ANKRD29: variants seen among roughly 807,000 people sequenced by gnomAD.
ANKRD29 encodes the protein ankyrin repeat domain 29.
A neutral mutation model predicts 38.0 loss-of-function variants in ANKRD29; 32 were observed. That is an observed-to-expected ratio of 0.84 (90% confidence interval 0.64 to 1.13). The LOEUF (loss-of-function observed/expected upper bound fraction) is 1.13. ANKRD29 is among the 50% of genes most tolerant of loss of function. The probability of loss-of-function intolerance (pLI) is 0.00; values close to 1 mark genes in which losing one functional copy is unlikely to be tolerated. For synonymous variants in ANKRD29, 135 were observed against 152.4 expected (o/e 0.89, Z 0.84); for missense variants, 357 against 377.9 (o/e 0.94, Z 0.46).
rs1456657313 is a variant in ANKRD29 at position 23,600,254 on chromosome 18, T to A, written c.*972A>T. 6.6e-6 allele frequency: 1 copy of A among 152,352 alleles called. No homozygotes were observed. Among genetic ancestry groups the A allele is most frequent in the Non-Finnish European group, 1.5e-5 (1 of 68,044 alleles). The allele number at this position is 152,352 out of a possible 1,614,324, so 9.4% of individuals were successfully genotyped here. A position where few individuals can be genotyped will look rare whatever the true frequency, so the allele number is the denominator to read the frequency against. ...CTTACTAAGTGCTAATAACAGTCTT[T>A]TATTATTTATATTCCTGCAATAGTA... is the stretch of plus-strand genomic sequence containing the variant. On this transcript the variant is annotated 3_prime_UTR_variant, in exon 10 of 10. Coordinates refer to ENST00000592179, the MANE Select transcript of ANKRD29 (RefSeq NM_173505.4).
rs1383682874 is a variant in ANKRD29, at chr18:23,614,069, C to CT, written c.724-1880dup. On this transcript the variant is annotated intron_variant, in intron 8 of 9. Transcript: ENST00000592179. ...TTTAACAAGTGCAGCTTTTTGGCCT[C>CT]TTTTTTTTCTTTTTTCTGGAGATGG... is the stretch of plus-strand genomic sequence containing the variant. 5.3e-5 allele frequency among the ~76,000 whole-genome samples: 8 copies of CT among 151,664 alleles called. No individual in the cohort carries two copies. In the East Asian group the frequency reaches 1.2e-3, roughly 22 times the overall value.
At chr18:23,626,976 G>A (rs185192936) in intron 6 of ANKRD29, among the ~76,000 whole-genome samples, 1 of 152,356 alleles carries the variant, frequency 6.6e-6, no homozygotes, top group Non-Finnish European at 1.5e-5. Context: ...TTCCAATAAT[G>A]ACTCAATGTG....
At chr18:23,609,890 G>A (rs1450106369) in intron 9 of ANKRD29, among the ~76,000 whole-genome samples, 1 of 152,174 alleles carries the variant, frequency 6.6e-6, no homozygotes, top group African/African-American at 2.4e-5. Flanking sequence ...TATCTAAGGA[G>A]AGATAAGCAG....
chr18:23,634,274 C>A, intron 4 of ANKRD29, 125 bp from the exon 5 acceptor site: 1 of 542,636 alleles, frequency 1.8e-6, no homozygotes. Flanking sequence ...AACTCACTTT[C>A]CCTGTTTTTT....
At chr18:23,606,833 C>T (rs1008813078) in intron 9 of ANKRD29, among the ~76,000 whole-genome samples, 11 of 152,140 alleles carry the variant, frequency 7.2e-5, no homozygotes, top group African/African-American at 2.7e-4. Flanking sequence ...CACTGCACTC[C>T]AGCCTGGGTG....
At chr18:23,650,631 G>A (rs1490384627) in intron 1 of ANKRD29, among the ~76,000 whole-genome samples, 1 of 152,268 alleles carries the variant, frequency 6.6e-6, no homozygotes, top group Admixed American at 6.5e-5. Context: ...GGACCAGACA[G>A]CTCACCCCAG....
chr18:23,627,404 G>T (rs1350998263), intron 6 of ANKRD29, among the ~76,000 whole-genome samples: 2 of 152,142 alleles, frequency 1.3e-5, no homozygotes, highest in East Asian at 3.9e-4. Flanking sequence ...TTGACCAGAG[G>T]GTGGATCCCT....
intron 4 of ANKRD29, among the ~76,000 whole-genome samples, chr18:23,637,316 C>T (rs1355847575): frequency 6.6e-6 from 1 of 152,162 alleles, no homozygotes; most frequent in Admixed American, 6.6e-5. Context: ...AGTTTGAAGG[C>T]ATATACGTAG....
intron 3 of ANKRD29, among the ~76,000 whole-genome samples, chr18:23,640,393 G>A (rs1416752477): frequency 6.6e-6 from 1 of 152,156 alleles, no homozygotes; most frequent in Non-Finnish European, 1.5e-5. Flanking sequence ...CAAGATATTT[G>A]GTATAGTGTT....
At chr18:23,602,282 C>T (rs1475845703) in intron 9 of ANKRD29, among the ~76,000 whole-genome samples, 9 of 152,054 alleles carry the variant, frequency 5.9e-5, no homozygotes, top group African/African-American at 1.9e-4. Context: ...GTGATCCGCC[C>T]GCCTCCGCCT....
chr18:23,645,868 A>C (rs1305655083), intron 3 of ANKRD29, among the ~76,000 whole-genome samples: 2 of 152,186 alleles, frequency 1.3e-5, no homozygotes, highest in Non-Finnish European at 2.9e-5. Flanking sequence ...ATCTATATGA[A>C]AATGCTATAA....
chr18:23,636,371 C>T (rs1268194941), intron 4 of ANKRD29, among the ~76,000 whole-genome samples: 1 of 152,160 alleles, frequency 6.6e-6, no homozygotes, highest in Non-Finnish European at 1.5e-5. Flanking sequence ...AACTCCTGGG[C>T]TCAAGCAATC....
intron 6 of ANKRD29, among the ~76,000 whole-genome samples, chr18:23,623,278 C>T (rs903155480): frequency 3.3e-5 from 5 of 151,966 alleles, no homozygotes; most frequent in Admixed American, 2.0e-4. Flanking sequence ...ATTTGGGGGC[C>T]GCCTGTGTAT....
chr18:23,655,437 C>CT (rs1362816377), intron 1 of ANKRD29, among the ~76,000 whole-genome samples: 2 of 151,898 alleles, frequency 1.3e-5, no homozygotes, highest in Non-Finnish European at 2.9e-5. Flanking sequence ...ATATGAAATT[C>CT]TTTTTTTTAA....
chr18:23,616,567 C>T (rs7226533), intron 8 of ANKRD29, among the ~76,000 whole-genome samples: 2 of 111,754 alleles, frequency 1.8e-5, no homozygotes, highest in Admixed American at 8.8e-5. Flanking sequence ...TATATATACA[C>T]TATATATACA....
At chr18:23,624,090 T>C (rs2059829617) in intron 6 of ANKRD29, among the ~76,000 whole-genome samples, 1 of 152,144 alleles carries the variant, frequency 6.6e-6, no homozygotes, top group South Asian at 2.1e-4. Flanking sequence ...TTTGAATACT[T>C]CCATATACTT....
chr18:23,629,797 A>G, intron 6 of ANKRD29, 56 bp downstream of exon 6: 2 of 1,469,452 alleles, frequency 1.4e-6, no homozygotes, highest in Admixed American at 3.6e-5. Context: ...GCGGACACCC[A>G]GCCCTCCCTG....
Position 23,601,115 on chromosome 18 carries a change from T to C in ANKRD29, c.*111A>G. On this transcript the variant is annotated 3_prime_UTR_variant, in exon 10 of 10. Transcript: ENST00000592179. ...TTGTCAGGGACCCACAGGATGGGCA[T>C]TCTGGGCATCTTTTTTTTTCATAAA... 1 of 982,132 alleles carries C rather than the reference T, an allele frequency of 1.0e-6. No individual in the cohort carries two copies. Among genetic ancestry groups the C allele is most frequent in the Non-Finnish European group, 1.5e-6 (1 of 660,884 alleles). 60.8% of individuals were successfully genotyped at this position (982,132 alleles called of 1,614,324 possible).
chr18:23,616,516 C>A (rs2059719467), intron 8 of ANKRD29, among the ~76,000 whole-genome samples: 1 of 139,468 alleles, frequency 7.2e-6, no homozygotes, highest in Non-Finnish European at 1.5e-5. Flanking sequence ...AACCCTGTCT[C>A]TGAAAAAATG....
Sources: allele counts gnomAD v4.1 joint callset (sites outside exome capture counted in the v4.1 genomes callset), GRCh38; gene constraint gnomAD v4.1.1; transcripts MANE v1.5; gene names NCBI Gene and HGNC (gene_info 2026-07-23, HGNC 2026-07-21).